Variants in XKR9 observed in about 807,000 individuals in gnomAD.
XKR9 encodes the protein XK related 9.
In XKR9, 32 loss-of-function variants were observed where a neutral mutation model predicts 32.0. That is an observed-to-expected ratio of 1.00 (90% CI 0.76 to 1.34). XKR9 has a LOEUF of 1.34. Ranked by LOEUF, XKR9 falls within the 40% of genes most tolerant of loss-of-function variation. The pLI, the probability that XKR9 is intolerant of heterozygous loss-of-function variation, is 0.00. For missense variants in XKR9, 546 were observed against 429.7 expected (o/e 1.27, Z -2.39); for synonymous variants, 168 against 143.4 (o/e 1.17, Z -1.22).
chr8:70,734,257 A>G lies in XKR9; in HGVS notation c.955A>G (p.Ile319Val), dbSNP rs1806786965. ...CACTATTTTTAATCCAGACTATTTT[A>G]TACCTATCAGTATAACTATAGTTCT... ...PLTIFNPDYF[I>V]PISITIVLTL... The change falls in exon 5 of 5, where the codon ATA (isoleucine) becomes GTA (valine). Residue 319 changes from isoleucine to valine, a missense_variant. Transcript: ENST00000408926. 2 of 1,612,856 alleles carry G rather than the reference A, an allele frequency of 1.2e-6. No homozygotes were observed. The highest frequency in any genetic ancestry group is 1.7e-6 in the Non-Finnish European group (2 of 1,179,312).
chr8:71,027,224 A>C, the XKR9 span, among the ~76,000 whole-genome samples: 1 of 151,938 alleles, frequency 6.6e-6, no homozygotes, highest in South Asian at 2.1e-4. Flanking sequence ...AAGAGAGTCC[A>C]TTTTATGAAT....
chr8:70,810,326 C>T, the XKR9 span, among the ~76,000 whole-genome samples: 1 of 152,174 alleles, frequency 6.6e-6, no homozygotes, highest in African/African-American at 2.4e-5. Context: ...GTAACAGCCA[C>T]TGCAAAAACA....
chr8:70,850,872 C>G, the XKR9 span, among the ~76,000 whole-genome samples: 1 of 152,106 alleles, frequency 6.6e-6, no homozygotes, highest in Non-Finnish European at 1.5e-5. Context: ...AAAGCCAGCA[C>G]AAGACAAGGA....
intron 2 of XKR9, among the ~76,000 whole-genome samples, chr8:70,751,609 G>T (rs1184062339): frequency 6.6e-6 from 1 of 152,106 alleles, no homozygotes; most frequent in East Asian, 1.9e-4. Context: ...TCATTTGAGG[G>T]CCTGGATGGA....
At chr8:70,813,571 C>T in the XKR9 span, among the ~76,000 whole-genome samples, 1 of 152,078 alleles carries the variant, frequency 6.6e-6, no homozygotes, top group Admixed American at 6.5e-5. Context: ...CCAGAATCTA[C>T]AATGAACTCA....
At chr8:70,883,625 G>A in the XKR9 span, among the ~76,000 whole-genome samples, 1 of 152,014 alleles carries the variant, frequency 6.6e-6, no homozygotes, top group African/African-American at 2.4e-5. Flanking sequence ...TCATATAGTT[G>A]AAATTATACA....
chr8:71,047,609 C>G, the XKR9 span, among the ~76,000 whole-genome samples: 1 of 152,186 alleles, frequency 6.6e-6, no homozygotes, highest in Non-Finnish European at 1.5e-5. Flanking sequence ...TATGCAATCT[C>G]TCTGTGTTCT....
chr8:70,742,215 A>G (rs1172772446), intron 2 of XKR9, among the ~76,000 whole-genome samples: 1 of 152,204 alleles, frequency 6.6e-6, no homozygotes, highest in African/African-American at 2.4e-5. Flanking sequence ...CTGGGCAAAA[A>G]CTCAGTAATA....
the XKR9 span, among the ~76,000 whole-genome samples, chr8:70,936,729 C>A: frequency 2.6e-5 from 4 of 152,060 alleles, no homozygotes; most frequent in East Asian, 5.8e-4. Flanking sequence ...ACTGAGGGAC[C>A]AAATGCCCTG....
At chr8:70,880,103 T>A in the XKR9 span, among the ~76,000 whole-genome samples, 2 of 152,226 alleles carry the variant, frequency 1.3e-5, no homozygotes, top group Non-Finnish European at 2.9e-5. Context: ...ATCAATAAAC[T>A]AGGTATTAAT....
chr8:71,001,473 G>T, the XKR9 span, among the ~76,000 whole-genome samples: 2 of 152,046 alleles, frequency 1.3e-5, no homozygotes, highest in Non-Finnish European at 2.9e-5. Context: ...ATGTTGCCTA[G>T]GCTGGTCTCA....
At chr8:70,985,817 C>A in the XKR9 span, among the ~76,000 whole-genome samples, 1 of 151,546 alleles carries the variant, frequency 6.6e-6, no homozygotes, top group South Asian at 2.1e-4. Flanking sequence ...TTAAAGAGCA[C>A]GCACAAATAT....
the XKR9 span, among the ~76,000 whole-genome samples, chr8:70,956,597 CA>C: frequency 6.6e-6 from 1 of 152,218 alleles, no homozygotes; most frequent in African/African-American, 2.4e-5. Flanking sequence ...CCATGGTGCC[CA>C]GGTTGTCCAT....
At chr8:70,816,392 C>A in the XKR9 span, among the ~76,000 whole-genome samples, 1 of 152,168 alleles carries the variant, frequency 6.6e-6, no homozygotes, top group African/African-American at 2.4e-5. Context: ...CCATGACTAT[C>A]TGCCCAAAGG....
chr8:70,959,516 T>C, the XKR9 span, among the ~76,000 whole-genome samples: 1 of 152,246 alleles, frequency 6.6e-6, no homozygotes, highest in Non-Finnish European at 1.5e-5. Context: ...TAATTATGCT[T>C]CAGCGAATAT....
At chr8:71,063,542 C>A in the XKR9 span, among the ~76,000 whole-genome samples, 1 of 148,778 alleles carries the variant, frequency 6.7e-6, no homozygotes. Context: ...GAAAAAAATT[C>A]AGAGCAAGTG....
the XKR9 span, among the ~76,000 whole-genome samples, chr8:70,900,785 T>C: frequency 6.6e-6 from 1 of 152,146 alleles, no homozygotes; most frequent in Middle Eastern, 3.2e-3. Context: ...ACATTAGGTA[T>C]ATCTCCTAAT....
At chr8:71,035,311 A>G in the XKR9 span, among the ~76,000 whole-genome samples, 1 of 152,206 alleles carries the variant, frequency 6.6e-6, no homozygotes, top group Admixed American at 6.5e-5. Context: ...AACTTTAAAT[A>G]GGAGGTTTTC....
At chr8:71,003,366 G>C in the XKR9 span, among the ~76,000 whole-genome samples, 1 of 152,120 alleles carries the variant, frequency 6.6e-6, no homozygotes, top group Non-Finnish European at 1.5e-5. Context: ...TTGTAACCTT[G>C]ATACATGTCA....
Sources: allele counts gnomAD v4.1 joint callset (sites outside exome capture counted in the v4.1 genomes callset), GRCh38; gene constraint gnomAD v4.1.1; transcripts MANE v1.5; gene names NCBI Gene and HGNC (gene_info 2026-07-23, HGNC 2026-07-21).